CSMD1: variants seen among roughly 807,000 people sequenced by gnomAD.
CSMD1 encodes CUB and Sushi multiple domains 1, also known as CUB and sushi domain-containing protein 1.
In CSMD1, 213 loss-of-function variants were observed where a neutral mutation model predicts 417.5. That is an observed-to-expected ratio of 0.51 (90% confidence interval 0.46 to 0.57). The LOEUF is 0.57. Ranked by LOEUF, CSMD1 falls within the 20% of genes least tolerant of loss-of-function variation. The pLI, the probability that CSMD1 is intolerant of heterozygous loss-of-function variation, is 0.00. For missense variants in CSMD1, 6,923 were observed against 4,529.7 expected, an observed-to-expected ratio of 1.53 and a Z score of -15.17; for synonymous variants, 2,862 against 1,736.8, an observed-to-expected ratio of 1.65 and a Z score of -16.11.
intron 5 of CSMD1, among the ~76,000 whole-genome samples, chr8:3,757,263 A>G (rs1239336425): frequency 6.6e-6 from 1 of 152,206 alleles, no homozygotes; most frequent in Non-Finnish European, 1.5e-5. Context: ...ATATTTCTGT[A>G]AAGGGCCAGG....
chr8:4,141,549 A>C (rs1224718005), intron 3 of CSMD1, among the ~76,000 whole-genome samples: 2 of 151,182 alleles, frequency 1.3e-5, no homozygotes, highest in Non-Finnish European at 1.5e-5. Context: ...CAAAGGGGTT[A>C]AGAAGCTCTT....
In CSMD1 at chr8:3,731,966, C is replaced by A. The variant is rs1294405372; in HGVS notation, c.931+21964G>T. Among the ~76,000 whole-genome samples the A allele has an allele frequency of 2.0e-5, 3 of 152,110 alleles. No homozygotes were observed. In the East Asian group the frequency reaches 5.8e-4, roughly 29 times the overall value. ...ATGGACTCCAAACCCTGGGCTCTCA[C>A]TGAACTCAGCAGATATTTAAAGAAC... On this transcript the variant is annotated intron_variant, in intron 6 of 69. Coordinates refer to ENST00000635120, the MANE Select transcript of CSMD1 (RefSeq NM_033225.6).
At position 4,855,192 on chromosome 8, in the gene CSMD1, C is replaced by T. The variant is rs932417434; in HGVS notation, c.85+139140G>A. ...ACGGCAGGGTACTCCAACAGACCTG[C>T]AGCTGACGGTCCTCTTTGTTAGAAG... On this transcript the variant is annotated intron_variant, in intron 1 of 69. Coordinates refer to ENST00000635120, the MANE Select transcript of CSMD1 (RefSeq NM_033225.6). 9.3e-5 allele frequency among the ~76,000 whole-genome samples: 14 copies of T among 149,898 alleles called. 1 individual carries two copies. The highest frequency in any genetic ancestry group is 1.5e-4 in the Non-Finnish European group (10 of 67,876).
intron 1 of CSMD1, among the ~76,000 whole-genome samples, chr8:4,809,537 AG>A (rs1332132091): frequency 6.6e-6 from 1 of 152,206 alleles, no homozygotes; most frequent in Non-Finnish European, 1.5e-5. Flanking sequence ...TTCAGTAAAG[AG>A]GCCTTAGGTT....
At chr8:3,871,167 G>C (rs1473639242) in intron 5 of CSMD1, among the ~76,000 whole-genome samples, 4 of 151,654 alleles carry the variant, frequency 2.6e-5, no homozygotes, top group African/African-American at 9.7e-5. Flanking sequence ...ACTTTTATTT[G>C]CCTTCTAATG....
At chr8:4,785,960 A>T (rs1186338355) in intron 1 of CSMD1, among the ~76,000 whole-genome samples, 1 of 152,220 alleles carries the variant, frequency 6.6e-6, no homozygotes, top group Non-Finnish European at 1.5e-5. Flanking sequence ...TTCAACAATT[A>T]TAGGAAAGAC....
intron 7 of CSMD1, among the ~76,000 whole-genome samples, chr8:3,671,645 G>A (rs73183303): frequency 7.1e-6 from 1 of 140,252 alleles, no homozygotes; most frequent in African/African-American, 2.6e-5. Context: ...ATCTATTTAG[G>A]CTTCACAAGC....
intron 18 of CSMD1, among the ~76,000 whole-genome samples, chr8:3,384,647 TAC>T (rs1005527549): frequency 7.1e-5 from 10 of 140,802 alleles, no homozygotes; most frequent in African/African-American, 1.8e-4. Flanking sequence ...TATTGCTATA[TAC>T]ATATAAATTA....
intron 3 of CSMD1, among the ~76,000 whole-genome samples, chr8:4,115,796 T>C (rs1328144169): frequency 6.6e-6 from 1 of 151,878 alleles, no homozygotes; most frequent in East Asian, 1.9e-4. Context: ...CATGGTGGAA[T>C]GTAAATCATA....
intron 5 of CSMD1, among the ~76,000 whole-genome samples, chr8:3,958,740 G>C (rs1415370506): frequency 6.6e-6 from 1 of 152,086 alleles, no homozygotes; most frequent in East Asian, 1.9e-4. Context: ...AAATACTATG[G>C]GTGAGGTCAC....
chr8:4,030,986 G>C (rs1192377138), intron 4 of CSMD1, among the ~76,000 whole-genome samples: 6 of 152,082 alleles, frequency 3.9e-5, no homozygotes, highest in African/African-American at 1.2e-4. Flanking sequence ...TTATGAACAA[G>C]TTTCTCATCT....
At chr8:3,137,969 A>C (rs981016837) in intron 41 of CSMD1, among the ~76,000 whole-genome samples, 9 of 152,210 alleles carry the variant, frequency 5.9e-5, no homozygotes, top group African/African-American at 2.2e-4. Context: ...TCATGCCTGT[A>C]ATCCCAGCAC....
chr8:3,802,992 T>G (rs1007900761), intron 5 of CSMD1, among the ~76,000 whole-genome samples: 4 of 152,154 alleles, frequency 2.6e-5, no homozygotes, highest in Non-Finnish European at 5.9e-5. Context: ...GGGTGAAATA[T>G]TTATTATTTC....
chr8:3,914,011 G>C (rs939122284), intron 5 of CSMD1, among the ~76,000 whole-genome samples: 3 of 152,006 alleles, frequency 2.0e-5, no homozygotes, highest in African/African-American at 7.3e-5. Context: ...TGTTATTCTT[G>C]AAACCCTTCT....
rs79651282 is a variant in CSMD1, at chr8:4,441,148, G to C, written c.303-21083C>G. On this transcript the variant is annotated intron_variant, in intron 2 of 69. Transcript: ENST00000635120. Reference sequence around the variant, plus strand: ...GATAGGGTCTCTGTCACCTAAGCTAGAGTGCAGTGGTACAACCTTGGTTCA... The same window carrying C: ...GATAGGGTCTCTGTCACCTAAGCTACAGTGCAGTGGTACAACCTTGGTTCA... Among the ~76,000 whole-genome samples, 1,032 of 99,376 alleles carry C rather than the reference G, an allele frequency of 0.01. 20 individuals carry two copies. The East Asian group carries it at 0.11, about 10-fold the overall frequency. 65.2% of individuals were successfully genotyped at this position (99,376 alleles called of 152,430 possible).
chr8:4,030,292 C>G (rs531104607), intron 4 of CSMD1, among the ~76,000 whole-genome samples: 1 of 152,284 alleles, frequency 6.6e-6, no homozygotes, highest in African/African-American at 2.4e-5. Flanking sequence ...CCATGAGGAC[C>G]GCCACCCATA....
At chr8:4,104,575 A>T (rs999123535) in intron 3 of CSMD1, among the ~76,000 whole-genome samples, 1 of 152,348 alleles carries the variant, frequency 6.6e-6, no homozygotes, top group Non-Finnish European at 1.5e-5. Flanking sequence ...AACTGTAAAT[A>T]AATGAATTAA....
At chr8:4,834,524 T>C (rs1276884257) in intron 1 of CSMD1, among the ~76,000 whole-genome samples, 2 of 152,058 alleles carry the variant, frequency 1.3e-5, no homozygotes, top group East Asian at 1.9e-4. Flanking sequence ...CACATGAAGA[T>C]AAGGGTGAGC....
At chr8:4,680,692 G>A (rs557993618) in intron 1 of CSMD1, among the ~76,000 whole-genome samples, 4 of 152,120 alleles carry the variant, frequency 2.6e-5, no homozygotes, top group South Asian at 2.1e-4. Flanking sequence ...TGACTCTCCC[G>A]CCTCAGCCTC....
Sources: gnomAD v4.1 joint callset for allele counts (sites outside exome capture counted in the v4.1 genomes callset) on GRCh38, gnomAD v4.1.1 for gene constraint, MANE v1.5 for transcripts, NCBI Gene and HGNC (gene_info 2026-07-23, HGNC 2026-07-21) for gene names.